Variants in MAST2 observed in about 807,000 individuals in gnomAD.
The protein encoded by MAST2 is microtubule associated serine/threonine kinase 2.
MAST2 carries 70 observed loss-of-function variants against 147.4 expected under a neutral mutation model. That is an observed-to-expected ratio of 0.47 (90% CI 0.39 to 0.58). The LOEUF (loss-of-function observed/expected upper bound fraction) is 0.58, where lower values mean the gene tolerates loss of function less well. Among genes scored for constraint, MAST2 ranks in the 20% least tolerant of loss-of-function variants. MAST2 has a pLI of 0.00. For synonymous variants in MAST2, 869 were observed against 896.8 expected (o/e 0.97, Z 0.55); for missense variants, 2,080 against 2,302.3 (o/e 0.90, Z 1.98).
chr1:45,926,201 A>C (rs2148674962), intron 4 of MAST2, among the ~76,000 whole-genome samples: 1 of 152,314 alleles, frequency 6.6e-6, no homozygotes, highest in South Asian at 2.1e-4. Context: ...CTTCATTATT[A>C]AAATGGGACT....
At chr1:46,009,121 C>T (rs1645607340) in intron 9 of MAST2, among the ~76,000 whole-genome samples, 1 of 152,142 alleles carries the variant, frequency 6.6e-6, no homozygotes, top group Non-Finnish European at 1.5e-5. Flanking sequence ...ATGGCACCAT[C>T]TCGGCTCACT....
intron 4 of MAST2, among the ~76,000 whole-genome samples, chr1:45,947,614 A>G (rs912569298): frequency 6.6e-6 from 1 of 152,220 alleles, no homozygotes; most frequent in African/African-American, 2.4e-5. Flanking sequence ...TAGGCAAGAG[A>G]AAGAAATAAA....
chr1:45,963,242 T>C (rs1320269680), intron 5 of MAST2, among the ~76,000 whole-genome samples: 4 of 152,244 alleles, frequency 2.6e-5, no homozygotes, highest in East Asian at 1.9e-4. Context: ...GTCTTGGCAA[T>C]GCGGGCTCTT....
intron 4 of MAST2, among the ~76,000 whole-genome samples, chr1:45,927,574 C>T (rs904338424): frequency 2.0e-5 from 3 of 152,144 alleles, no homozygotes; most frequent in African/African-American, 4.8e-5. Flanking sequence ...CCTGACTCAC[C>T]GGCGGTCAGA....
chr1:46,025,901 T>A, intron 16 of MAST2, 86 bp downstream of exon 16: 1 of 1,533,680 alleles, frequency 6.5e-7, no homozygotes, highest in Non-Finnish European at 9.0e-7. Flanking sequence ...GCTCTAAATC[T>A]ATCCAGATGG....
chr1:45,958,259 C>T (rs1477077310), intron 4 of MAST2, among the ~76,000 whole-genome samples: 1 of 152,044 alleles, frequency 6.6e-6, no homozygotes, highest in Non-Finnish European at 1.5e-5. Context: ...TGGCCTTCCC[C>T]ATAGCTTCTA....
intron 3 of MAST2, among the ~76,000 whole-genome samples, chr1:45,841,437 A>G (rs1645272343): frequency 6.6e-6 from 1 of 151,894 alleles, no homozygotes; most frequent in African/African-American, 2.4e-5. Context: ...AAAGAAATAT[A>G]TACATATATA....
rs753527551 is a variant in MAST2 at position 46,002,788 on chromosome 1, C to CT, written c.669-12dup. The CT allele has an allele frequency of 3.7e-5, 60 of 1,613,480 alleles. No homozygotes were observed. The South Asian group carries it at 6.1e-4, about 17-fold the overall frequency. On this transcript the variant is annotated splice_polypyrimidine_tract_variant and intron_variant, in intron 6 of 28. Coordinates refer to ENST00000361297, the MANE Select transcript of MAST2 (RefSeq NM_015112.3). ...GTAGTCCTGCAGAAACTGCCTAATACTTTTTCTTGCATACAGGACTGATGG... is the reference window on the plus strand; with the variant it reads ...GTAGTCCTGCAGAAACTGCCTAATACTTTTTTCTTGCATACAGGACTGATGG...
At chr1:46,020,199 A>G (rs1248207078) in intron 11 of MAST2, among the ~76,000 whole-genome samples, 1 of 152,240 alleles carries the variant, frequency 6.6e-6, no homozygotes, top group Non-Finnish European at 1.5e-5. Context: ...AGGTCAGTAC[A>G]CAGCGTAACG....
intron 4 of MAST2, among the ~76,000 whole-genome samples, chr1:45,922,788 C>T (rs961819193): frequency 4.6e-5 from 7 of 152,152 alleles, no homozygotes; most frequent in South Asian, 2.1e-4. Flanking sequence ...TCCCTGGCTC[C>T]CACCGACTCT....
intron 4 of MAST2, among the ~76,000 whole-genome samples, chr1:45,955,061 C>T (rs1381941973): frequency 2.0e-5 from 3 of 152,246 alleles, no homozygotes; most frequent in African/African-American, 7.2e-5. Context: ...TGAGAGCCTA[C>T]TGTGTGCCAG....
At chr1:45,810,765 C>T (rs1246195741) in intron 1 of MAST2, among the ~76,000 whole-genome samples, 6 of 133,636 alleles carry the variant, frequency 4.5e-5, no homozygotes, top group Non-Finnish European at 7.8e-5. Context: ...GAGCCAAGAT[C>T]GCGCCACGGT....
intron 25 of MAST2, 88 bp from the exon 26 acceptor site, chr1:46,032,508 T>C: frequency 6.3e-7 from 1 of 1,595,564 alleles, no homozygotes; most frequent in Non-Finnish European, 8.6e-7. Context: ...AGGGTGGTGG[T>C]GAAGGGGCTC....
intron 4 of MAST2, among the ~76,000 whole-genome samples, chr1:45,956,123 G>T (rs1047362576): frequency 6.6e-6 from 1 of 152,160 alleles, no homozygotes; most frequent in Non-Finnish European, 1.5e-5. Flanking sequence ...TAAACAATTT[G>T]TCCTTGTGAG....
intron 4 of MAST2, among the ~76,000 whole-genome samples, chr1:45,918,838 C>T (rs368049115): frequency 7.1e-4 from 108 of 152,236 alleles, no homozygotes; most frequent in African/African-American, 2.5e-3. Context: ...CTGGGCTGGG[C>T]GCAGTGGCTT....
chr1:45,915,884 T>G (rs1652427568), intron 4 of MAST2, among the ~76,000 whole-genome samples: 1 of 152,204 alleles, frequency 6.6e-6, no homozygotes, highest in South Asian at 2.1e-4. Flanking sequence ...AATGTTCTAA[T>G]TAGTTCTAAC....
intron 1 of MAST2, among the ~76,000 whole-genome samples, chr1:45,820,115 G>A (rs1186779188): frequency 6.6e-6 from 1 of 152,256 alleles, no homozygotes; most frequent in Non-Finnish European, 1.5e-5. Context: ...ACAATAAATG[G>A]TTCTCGGAAA....
intron 5 of MAST2, among the ~76,000 whole-genome samples, chr1:45,962,889 G>C (rs1203371776): frequency 6.6e-6 from 1 of 152,078 alleles, no homozygotes; most frequent in Admixed American, 6.5e-5. Flanking sequence ...GGGTTTTTAT[G>C]GTTTTAGGTC....
chr1:45,910,328 G>T (rs1024608301), intron 4 of MAST2, among the ~76,000 whole-genome samples: 1 of 151,702 alleles, frequency 6.6e-6, no homozygotes, highest in Non-Finnish European at 1.5e-5. Context: ...CGTAAAAAAT[G>T]GAAGTTTTTT....
Sources: allele counts gnomAD v4.1 joint callset (sites outside exome capture counted in the v4.1 genomes callset), GRCh38; gene constraint gnomAD v4.1.1; transcripts MANE v1.5; gene names NCBI Gene and HGNC (gene_info 2026-07-23, HGNC 2026-07-21).